FOXP1: variants seen among roughly 807,000 people sequenced by gnomAD.
The protein encoded by FOXP1 is forkhead box protein P1.
In FOXP1, 15 loss-of-function variants were observed where a neutral mutation model predicts 98.2. That is an observed-to-expected ratio of 0.15 (90% CI 0.10 to 0.24). The LOEUF (loss-of-function observed/expected upper bound fraction) is 0.24. FOXP1 is among the 10% of genes least tolerant of loss of function. FOXP1 has a pLI of 1.00. For synonymous variants in FOXP1, 371 were observed against 314.5 expected, an observed-to-expected ratio of 1.18 and a Z score of -1.90; for missense variants, 633 against 848.5, an observed-to-expected ratio of 0.75 and a Z score of 3.15.
chr3:71,060,742 T>C (rs1331126409), intron 7 of FOXP1, among the ~76,000 whole-genome samples: 1 of 152,182 alleles, frequency 6.6e-6, no homozygotes, highest in Non-Finnish European at 1.5e-5. Context: ...TGTTGTTGAT[T>C]TACCTTGTTC....
intron 7 of FOXP1, among the ~76,000 whole-genome samples, chr3:71,091,488 TCAAAA>T (rs3064143): frequency 0.011 from 1,592 of 150,112 alleles, 25 homozygotes; most frequent in African/African-American, 0.028. Context: ...AGACTCCGTC[TCAAAA>T]CAAAACAAAA....
At chr3:71,462,292 T>C (rs2088214879) in intron 3 of FOXP1, among the ~76,000 whole-genome samples, 1 of 152,118 alleles carries the variant, frequency 6.6e-6, no homozygotes, top group African/African-American at 2.4e-5. Flanking sequence ...AGAAGAAAAA[T>C]GTGTAAACCT....
At chr3:71,494,875 G>A (rs748167406) in intron 2 of FOXP1, among the ~76,000 whole-genome samples, 6 of 149,538 alleles carry the variant, frequency 4.0e-5, no homozygotes, top group Non-Finnish European at 7.4e-5. Context: ...TACTTCCAAG[G>A]CTCAGACATG....
chr3:71,325,720 C>T (rs974755877), intron 4 of FOXP1, among the ~76,000 whole-genome samples: 1 of 151,600 alleles, frequency 6.6e-6, no homozygotes, highest in Non-Finnish European at 1.5e-5. Flanking sequence ...GTTGTCCAGG[C>T]TGAAGTGCAG....
chr3:71,436,062 T>G (rs189940487), intron 3 of FOXP1, among the ~76,000 whole-genome samples: 32 of 151,930 alleles, frequency 2.1e-4, no homozygotes, highest in Admixed American at 5.2e-4. Context: ...CCCTGTTATG[T>G]CACAACTGAA....
chr3:71,410,221 C>T (rs1002143714), intron 3 of FOXP1, among the ~76,000 whole-genome samples: 2 of 152,256 alleles, frequency 1.3e-5, no homozygotes, highest in East Asian at 1.9e-4. Context: ...ATTGTACCTA[C>T]GAGTTATTTT....
intron 5 of FOXP1, among the ~76,000 whole-genome samples, chr3:71,267,083 C>G (rs2069747129): frequency 6.6e-6 from 1 of 151,236 alleles, no homozygotes; most frequent in Non-Finnish European, 1.5e-5. Context: ...TGAATAAATC[C>G]TGTGAGTCAC....
chr3:71,238,271 G>A (rs150746247), intron 5 of FOXP1, among the ~76,000 whole-genome samples: 1 of 152,290 alleles, frequency 6.6e-6, no homozygotes, highest in African/African-American at 2.4e-5. Context: ...TATTCAATCC[G>A]AGTGAATGTC....
At chr3:71,096,550 A>G (rs1313714525) in intron 7 of FOXP1, among the ~76,000 whole-genome samples, 2 of 152,184 alleles carry the variant, frequency 1.3e-5, no homozygotes, top group East Asian at 3.9e-4. Context: ...GGTTCAAAAT[A>G]CAAACAATGG....
At chr3:70,998,266 G>A (rs2041653450) in intron 13 of FOXP1, among the ~76,000 whole-genome samples, 3 of 152,170 alleles carry the variant, frequency 2.0e-5, no homozygotes, top group Admixed American at 1.3e-4. Context: ...TAGGTAATCA[G>A]TAGATGAATG....
chr3:71,565,846 G>C (rs1005137163), intron 2 of FOXP1, among the ~76,000 whole-genome samples: 3 of 152,292 alleles, frequency 2.0e-5, no homozygotes, highest in South Asian at 2.1e-4. Flanking sequence ...AATAAGGTAG[G>C]GGGTAACGCT....
intron 4 of FOXP1, among the ~76,000 whole-genome samples, chr3:71,308,484 T>C (rs943173222): frequency 1.3e-5 from 2 of 152,184 alleles, no homozygotes; most frequent in African/African-American, 4.8e-5. Context: ...ATACGATGCG[T>C]ACAATGGCTT....
intron 4 of FOXP1, among the ~76,000 whole-genome samples, chr3:71,314,009 G>A (rs1007508043): frequency 6.6e-6 from 1 of 152,166 alleles, no homozygotes; most frequent in Non-Finnish European, 1.5e-5. Context: ...AATTGCCTAA[G>A]CTCTCTGTCC....
chr3:71,580,070 A>G (rs891477888), intron 2 of FOXP1, among the ~76,000 whole-genome samples: 8 of 151,874 alleles, frequency 5.3e-5, no homozygotes, highest in African/African-American at 1.9e-4. Context: ...TCCGTGTAGC[A>G]GCTCCTGACA....
At chr3:70,972,108 TCCAAAAGGACCCAAACTCATC>T in intron 18 of FOXP1, 1 of 1,533,616 alleles carries the variant, frequency 6.5e-7, no homozygotes, top group Non-Finnish European at 8.7e-7. Context: ...TCATCAACTG[TCCAAAAGGACCCAAACTCATC>T]CTCTACTCTG....
At chr3:71,581,815 G>A (rs2048193949) in intron 1 of FOXP1, 118 bp from the exon 2 acceptor site, 8 of 986,006 alleles carry the variant, frequency 8.1e-6, no homozygotes, top group Non-Finnish European at 6.0e-6. Flanking sequence ...GAGGGCAGCG[G>A]GCTCCGAGGA....
At chr3:71,031,041 G>A (rs568632319) in intron 11 of FOXP1, among the ~76,000 whole-genome samples, 1 of 152,258 alleles carries the variant, frequency 6.6e-6, no homozygotes, top group African/African-American at 2.4e-5. Flanking sequence ...CTTTTTGGAT[G>A]TATGACCCAG....
intron 6 of FOXP1, among the ~76,000 whole-genome samples, chr3:71,160,620 T>C (rs1206431366): frequency 6.6e-6 from 1 of 152,160 alleles, no homozygotes; most frequent in Non-Finnish European, 1.5e-5. Context: ...TAAATAAGAA[T>C]AAAGAAGTCA....
At chr3:71,526,137 TAAACAAACAAAC>T (rs766836663) in intron 2 of FOXP1, among the ~76,000 whole-genome samples, 7 of 44,136 alleles carry the variant, frequency 1.6e-4, no homozygotes, top group East Asian at 4.2e-4. Context: ...TATAAATAAA[TAAACAAACAAAC>T]AAACAAACAA....
Sources: gnomAD v4.1 joint callset for allele counts (sites outside exome capture counted in the v4.1 genomes callset) on GRCh38, gnomAD v4.1.1 for gene constraint, MANE v1.5 for transcripts, NCBI Gene and HGNC (gene_info 2026-07-23, HGNC 2026-07-21) for gene names.